The following HPSE2 variants were observed in gnomAD, a reference collection of about 807,000 sequenced individuals.
HPSE2 encodes heparanase 2 (inactive).
A neutral mutation model predicts 60.5 loss-of-function variants in HPSE2; 38 were observed. That is an observed-to-expected ratio of 0.63 (90% CI 0.48 to 0.82). The LOEUF is 0.82. Among genes scored for constraint, HPSE2 ranks in the 40% least tolerant of loss-of-function variants. HPSE2 has a pLI of 0.00. For synonymous variants in HPSE2, 295 were observed against 293.2 expected, an observed-to-expected ratio of 1.01 and a Z score of -0.06; for missense variants, 713 against 740.4, an observed-to-expected ratio of 0.96 and a Z score of 0.43.
chr10:98,600,867 G>A lies in HPSE2; in HGVS notation c.1320+14037C>T, dbSNP rs368256194. On this transcript the variant is annotated intron_variant, in intron 9 of 11. Transcript: ENST00000370552. ...ATACACACACATATTATATATATACGTATATATGTATATATACATATATAC... is the reference window on the plus strand; with the variant it reads ...ATACACACACATATTATATATATACATATATATGTATATATACATATATAC... Among the ~76,000 whole-genome samples the A allele has an allele frequency of 4.8e-3, 382 of 79,276 alleles. 4 individuals are homozygous for A. The highest frequency in any genetic ancestry group is 0.012 in the African/African-American group (351 of 28,388). 52.0% of individuals were successfully genotyped at this position (79,276 alleles called of 152,430 possible).
intron 9 of HPSE2, among the ~76,000 whole-genome samples, chr10:98,598,702 G>C (rs1055129696): frequency 6.6e-6 from 1 of 152,150 alleles, no homozygotes; most frequent in African/African-American, 2.4e-5. Flanking sequence ...AGGCCCACAG[G>C]GGCTGGCCTG....
At chr10:99,009,676 C>A (rs1442970283) in intron 3 of HPSE2, among the ~76,000 whole-genome samples, 7 of 152,136 alleles carry the variant, frequency 4.6e-5, no homozygotes, top group African/African-American at 1.4e-4. Context: ...GAAATGTTAA[C>A]CCTGGGAGGA....
intron 3 of HPSE2, among the ~76,000 whole-genome samples, chr10:98,834,733 T>C (rs1951755713): frequency 6.6e-6 from 1 of 152,156 alleles, no homozygotes; most frequent in South Asian, 2.1e-4. Flanking sequence ...AGGGCAGGTT[T>C]TCTTCATATA....
At chr10:98,556,851 A>T (rs1944022249) in intron 9 of HPSE2, among the ~76,000 whole-genome samples, 9 of 152,228 alleles carry the variant, frequency 5.9e-5, no homozygotes, top group Admixed American at 5.9e-4. Flanking sequence ...AAATATCAAA[A>T]GTAATCTTGA....
intron 3 of HPSE2, among the ~76,000 whole-genome samples, chr10:99,029,661 T>A (rs1406702821): frequency 6.6e-6 from 1 of 152,172 alleles, no homozygotes; most frequent in Non-Finnish European, 1.5e-5. Flanking sequence ...TCAGAGACTT[T>A]TAGTACTTTC....
intron 2 of HPSE2, among the ~76,000 whole-genome samples, chr10:99,186,006 C>T (rs1484377380): frequency 6.6e-6 from 1 of 151,020 alleles, no homozygotes; most frequent in African/African-American, 2.4e-5. Flanking sequence ...AAGAACAGGG[C>T]CAAAGAAATA....
At chr10:99,099,270 TG>T (rs1412338393) in intron 3 of HPSE2, among the ~76,000 whole-genome samples, 11 of 152,218 alleles carry the variant, frequency 7.2e-5, no homozygotes, top group Non-Finnish European at 1.5e-4. Context: ...AGACGGCACC[TG>T]GAAAATCAGG....
At chr10:98,931,591 A>G (rs1238460330) in intron 3 of HPSE2, among the ~76,000 whole-genome samples, 1 of 144,166 alleles carries the variant, frequency 6.9e-6, no homozygotes, top group Non-Finnish European at 1.5e-5. Flanking sequence ...GATTCTTCCT[A>G]TCCAGGAGCA....
intron 3 of HPSE2, among the ~76,000 whole-genome samples, chr10:99,030,680 C>T (rs1957479430): frequency 6.6e-6 from 1 of 152,202 alleles, no homozygotes; most frequent in Non-Finnish European, 1.5e-5. Context: ...ATCAAAGAGT[C>T]ATCTGCACTC....
At chr10:98,959,687 C>T (rs528307395) in intron 3 of HPSE2, among the ~76,000 whole-genome samples, 4 of 152,116 alleles carry the variant, frequency 2.6e-5, no homozygotes, top group Non-Finnish European at 5.9e-5. Context: ...CCATTATTCA[C>T]ATCTGCGGAG....
chr10:98,483,035 T>G lies in HPSE2; in HGVS notation c.1467-253A>C, dbSNP rs1466325649. On this transcript the variant is annotated intron_variant, in intron 10 of 11. Transcript: ENST00000370552. ...ATGATTTTAGAAAATATAATGTATA[T>G]ATTTTATGGCATATATTACCATAGT... Among the ~76,000 whole-genome samples the G allele has an allele frequency of 2.0e-5, 3 of 152,202 alleles. No homozygotes were observed. In the South Asian group the frequency reaches 6.2e-4, roughly 32 times the overall value.
At chr10:98,752,781 G>A (rs147519673) in intron 3 of HPSE2, among the ~76,000 whole-genome samples, 1 of 152,142 alleles carries the variant, frequency 6.6e-6, no homozygotes, top group Non-Finnish European at 1.5e-5. Flanking sequence ...CCATGATATG[G>A]AATCAGCCTA....
chr10:99,182,168 G>C (rs1373264727), intron 2 of HPSE2, among the ~76,000 whole-genome samples: 12 of 152,160 alleles, frequency 7.9e-5, no homozygotes. Context: ...CTAAGCTTAA[G>C]GATAATTTTA....
chr10:98,649,900 C>A (rs1946871774), intron 6 of HPSE2, among the ~76,000 whole-genome samples: 1 of 152,114 alleles, frequency 6.6e-6, no homozygotes, highest in Non-Finnish European at 1.5e-5. Context: ...TGGTAGGGCA[C>A]CTGAGGTGAA....
At chr10:98,930,804 CT>C (rs2135108290) in intron 3 of HPSE2, among the ~76,000 whole-genome samples, 1 of 144,372 alleles carries the variant, frequency 6.9e-6, no homozygotes, top group South Asian at 2.1e-4. Flanking sequence ...ACTTTGCCTA[CT>C]TTTTGATGGG....
chr10:98,574,858 A>C (rs1351944650), intron 9 of HPSE2, among the ~76,000 whole-genome samples: 1 of 152,226 alleles, frequency 6.6e-6, no homozygotes. Flanking sequence ...GACCCTGTGT[A>C]TCTGTACATA....
intron 2 of HPSE2, among the ~76,000 whole-genome samples, chr10:99,186,754 C>T (rs1251174683): frequency 1.3e-5 from 2 of 151,900 alleles, no homozygotes; most frequent in African/African-American, 4.8e-5. Flanking sequence ...AAAGAAAAGG[C>T]CTTCAGACAG....
chr10:98,613,629 G>A (rs185272127), intron 9 of HPSE2, among the ~76,000 whole-genome samples: 3 of 152,314 alleles, frequency 2.0e-5, no homozygotes, highest in East Asian at 1.9e-4. Context: ...ATGCTCACTG[G>A]TTCCAGTTTG....
the HPSE2 span, among the ~76,000 whole-genome samples, chr10:99,265,702 T>C: frequency 6.6e-6 from 1 of 151,952 alleles, no homozygotes; most frequent in East Asian, 1.9e-4. Flanking sequence ...GAACCTCTGC[T>C]CCAAGAACTA....
Sources: gnomAD v4.1 joint callset for allele counts (sites outside exome capture counted in the v4.1 genomes callset) on GRCh38, gnomAD v4.1.1 for gene constraint, MANE v1.5 for transcripts, NCBI Gene and HGNC (gene_info 2026-07-23, HGNC 2026-07-21) for gene names.